Variants in INVS observed in about 807,000 individuals in gnomAD.
The protein encoded by INVS is inversin, also known as inversion of embryo turning homolog.
A neutral mutation model predicts 108.8 loss-of-function variants in INVS; 86 were observed. The observed-to-expected ratio is 0.79, with a 90% CI of 0.66 to 0.95. The LOEUF is 0.95. Ranked by LOEUF, INVS falls within the 40% of genes least tolerant of loss-of-function variation. The pLI is 0.00. For missense variants in INVS, 1,169 were observed against 1,297.4 expected, an observed-to-expected ratio of 0.90 and a Z score of 1.52; for synonymous variants, 455 against 473.5, an observed-to-expected ratio of 0.96 and a Z score of 0.51.
intron 6 of INVS, among the ~76,000 whole-genome samples, chr9:100,241,372 C>T (rs1041392580): frequency 6.6e-6 from 1 of 151,956 alleles, no homozygotes; most frequent in African/African-American, 2.4e-5. Context: ...CCTTGTCTTA[C>T]CTATATTTCT....
chr9:100,297,882 C>T, intron 15 of INVS, 54 bp from the exon 16 acceptor site: 16 of 1,585,712 alleles, frequency 1.0e-5, no homozygotes, highest in Non-Finnish European at 1.4e-5. Context: ...AGAAGTTGGT[C>T]AGGCCAAACG....
chr9:100,233,999 C>G (rs911423987), intron 5 of INVS, among the ~76,000 whole-genome samples: 7 of 152,136 alleles, frequency 4.6e-5, no homozygotes, highest in African/African-American at 1.4e-4. Context: ...CCATCTGGTC[C>G]TGGACTTTTA....
At chr9:100,171,406 G>A (rs1209328127) in intron 3 of INVS, among the ~76,000 whole-genome samples, 1 of 152,098 alleles carries the variant, frequency 6.6e-6, no homozygotes, top group African/African-American at 2.4e-5. Context: ...ATCTAGGTTT[G>A]TGTATACTAT....
chr9:100,244,710 T>C (rs1831989156), intron 7 of INVS, among the ~76,000 whole-genome samples: 1 of 152,168 alleles, frequency 6.6e-6, no homozygotes, highest in Non-Finnish European at 1.5e-5. Flanking sequence ...TGACAAGAAA[T>C]TACAACTCGT....
At chr9:100,248,024 C>T (rs1477402697) in intron 8 of INVS, among the ~76,000 whole-genome samples, 1 of 151,826 alleles carries the variant, frequency 6.6e-6, no homozygotes, top group Non-Finnish European at 1.5e-5. Context: ...CACCATGTTG[C>T]CCAGGCTGGT....
At chr9:100,258,302 G>A (rs763390177) in intron 10 of INVS, among the ~76,000 whole-genome samples, 3 of 152,060 alleles carry the variant, frequency 2.0e-5, no homozygotes, top group Non-Finnish European at 4.4e-5. Flanking sequence ...TTAGCCATTC[G>A]TCTAATCTTT....
In INVS at chr9:100,274,364, GA is replaced by G. The variant is rs893347887; in HGVS notation, c.1784+1298del. Among the ~76,000 whole-genome samples, 73 of 147,390 alleles carry G rather than the reference GA, an allele frequency of 5.0e-4. No individual in the cohort carries two copies. In the South Asian group the frequency reaches 7.5e-3, roughly 15 times the overall value. ...TAGAGTCAGACTCTGTCTAAAAAAA[GA>G]AAAAAAAAAGATTGATTTTAGATTA... On this transcript the variant is annotated intron_variant, in intron 12 of 16. Coordinates refer to ENST00000262457, the MANE Select transcript of INVS (RefSeq NM_014425.5).
At chr9:100,167,860 TG>T (rs1035186650) in intron 3 of INVS, among the ~76,000 whole-genome samples, 1 of 152,134 alleles carries the variant, frequency 6.6e-6, no homozygotes, top group African/African-American at 2.4e-5. Context: ...ATGCATATAT[TG>T]TGGGCAAAAA....
intron 2 of INVS, among the ~76,000 whole-genome samples, chr9:100,111,247 A>G (rs1440193239): frequency 6.6e-6 from 1 of 152,234 alleles, no homozygotes; most frequent in Non-Finnish European, 1.5e-5. Context: ...TGTTACTTGT[A>G]TTGGGCATTG....
chr9:100,198,432 C>T (rs1033079281), intron 3 of INVS, among the ~76,000 whole-genome samples: 9 of 150,796 alleles, frequency 6.0e-5, no homozygotes, highest in African/African-American at 1.5e-4. Context: ...GCTGGGATTA[C>T]AGGCATGCAC....
chr9:100,270,792 C>T (rs986520066), intron 11 of INVS, among the ~76,000 whole-genome samples: 4 of 144,510 alleles, frequency 2.8e-5, no homozygotes, highest in African/African-American at 1.0e-4. Context: ...CTTGGTGGTA[C>T]ATGCCCGTGG....
chr9:100,220,325 TG>T (rs1831105953), intron 3 of INVS, among the ~76,000 whole-genome samples: 1 of 152,110 alleles, frequency 6.6e-6, no homozygotes, highest in Non-Finnish European at 1.5e-5. Context: ...ATGTGACAGA[TG>T]AAAGAAGCTC....
rs1324149873 is a variant in INVS, at chr9:100,241,311, G to T, written c.796+1071G>T. 2.6e-5 allele frequency among the ~76,000 whole-genome samples: 4 copies of T among 151,752 alleles called. No homozygotes were observed. In the East Asian group the frequency reaches 7.7e-4, roughly 29 times the overall value. On this transcript the variant is annotated intron_variant, in intron 6 of 16. Transcript: ENST00000262457. ...ATTGACTTTTTGTTCTATAAGTTTTGCTTTCTTTCTGCCTCCTATATAGAT... is the reference window on the plus strand; with the variant it reads ...ATTGACTTTTTGTTCTATAAGTTTTTCTTTCTTTCTGCCTCCTATATAGAT...
At chr9:100,274,760 G>T (rs1006308186) in intron 12 of INVS, among the ~76,000 whole-genome samples, 1 of 151,972 alleles carries the variant, frequency 6.6e-6, no homozygotes, top group Non-Finnish European at 1.5e-5. Context: ...CCACCTTGGC[G>T]TCCCAAAATG....
At position 100,300,544 on chromosome 9, in the gene INVS, CTATCTGG is replaced by C; in HGVS notation, c.3092-20_3092-14del. On this transcript the variant is annotated splice_polypyrimidine_tract_variant and intron_variant, in intron 16 of 16. Coordinates refer to ENST00000262457, the MANE Select transcript of INVS (RefSeq NM_014425.5). ...GCCTTAAAATTAATAACCTTAATAT[CTATCTGG>C]TATTTGTTTTTAACAGTGAGCAACC... 1 of 1,395,710 alleles carries C rather than the reference CTATCTGG, an allele frequency of 7.2e-7. No individual in the cohort carries two copies. The highest frequency in any genetic ancestry group is 1.4e-5 in the African/African-American group (1 of 70,682). The allele number at this position is 1,395,710 out of a possible 1,614,324, so 86.5% of individuals were successfully genotyped here.
At chr9:100,257,702 C>G (rs572711596) in intron 10 of INVS, among the ~76,000 whole-genome samples, 2 of 152,304 alleles carry the variant, frequency 1.3e-5, no homozygotes, top group African/African-American at 4.8e-5. Flanking sequence ...TCTGGTTTGA[C>G]AATTCTTTTC....
intron 3 of INVS, among the ~76,000 whole-genome samples, chr9:100,190,131 CTTTCTT>C (rs971325647): frequency 3.3e-5 from 5 of 152,014 alleles, no homozygotes; most frequent in African/African-American, 1.2e-4. Context: ...TATATAATGA[CTTTCTT>C]TGTCTTTTTT....
At chr9:100,136,587 A>G (rs1026876158) in intron 3 of INVS, among the ~76,000 whole-genome samples, 1 of 152,226 alleles carries the variant, frequency 6.6e-6, no homozygotes, top group Admixed American at 6.5e-5. Context: ...AACAAGGTCT[A>G]TACATTGTAT....
chr9:100,269,151 C>T lies in INVS; in HGVS notation c.1572-3713C>T, dbSNP rs577448261. ...GTTACTGAACTGGGAGACATGTTAT[C>T]TTAGTTCTAGTCTGCATTCTATAGA... is the stretch of plus-strand genomic sequence containing the variant. On this transcript the variant is annotated intron_variant, in intron 11 of 16. Transcript: ENST00000262457. Among the ~76,000 whole-genome samples the T allele has an allele frequency of 5.5e-4, 83 of 152,240 alleles. 1 individual carries two copies. Among genetic ancestry groups the T allele is most frequent in the Admixed American group, 1.1e-3 (17 of 15,300 alleles).
Sources: gnomAD v4.1 joint callset for allele counts (sites outside exome capture counted in the v4.1 genomes callset) on GRCh38, gnomAD v4.1.1 for gene constraint, MANE v1.5 for transcripts, NCBI Gene and HGNC (gene_info 2026-07-23, HGNC 2026-07-21) for gene names.